The following TUBGCP2 variants were observed in gnomAD, a reference collection of about 807,000 sequenced individuals.
TUBGCP2 encodes the protein tubulin gamma complex component 2.
A neutral mutation model predicts 92.2 loss-of-function variants in TUBGCP2; 55 were observed. The observed-to-expected ratio is 0.60, with a 90% CI of 0.48 to 0.75. The LOEUF (loss-of-function observed/expected upper bound fraction) is 0.75. TUBGCP2 is among the 30% of genes least tolerant of loss of function. The pLI, the probability that TUBGCP2 is intolerant of heterozygous loss-of-function variation, is 0.00. For missense variants in TUBGCP2, 1,093 were observed against 1,188.9 expected, an observed-to-expected ratio of 0.92 and a Z score of 1.19; for synonymous variants, 533 against 505.2, an observed-to-expected ratio of 1.06 and a Z score of -0.74.
chr10:133,308,650 C>T (rs935421173), intron 1 of TUBGCP2, 173 bp downstream of exon 1: 18 of 215,944 alleles, frequency 8.3e-5, no homozygotes, highest in Non-Finnish European at 1.6e-4. Flanking sequence ...GCTGGCCTGG[C>T]CGGTGCAGGC....
upstream of TUBGCP2, chr10:133,311,840 A>G (rs1847996475): frequency 6.2e-7 from 1 of 1,613,382 alleles, no homozygotes; most frequent in Non-Finnish European, 8.5e-7. Context: ...CTACAGACAT[A>G]GGTCAGTGTC....
In TUBGCP2 at chr10:133,291,959, G is replaced by A. The variant is rs1403925250; in HGVS notation, c.1214+540C>T. On this transcript the variant is annotated intron_variant, in intron 8 of 17. Transcript: ENST00000252936. The stretch of plus-strand genomic sequence containing the variant: ...TCCCTCCGTGTCCCTCCGTGTCCCC[G>A]TGTCCCGGGGAGCCCTACCTGTACG... Among the ~76,000 whole-genome samples the A allele has an allele frequency of 1.3e-4, 3 of 23,518 alleles. 1 individual carries two copies. Among genetic ancestry groups the A allele is most frequent in the African/African-American group, 4.3e-4 (3 of 6,920 alleles). 15.4% of individuals were successfully genotyped at this position (23,518 alleles called of 152,430 possible).
At chr10:133,309,209 A>G, upstream of TUBGCP2, 1 of 1,343,440 alleles carries the variant, frequency 7.4e-7, no homozygotes, top group Non-Finnish European at 9.8e-7. Context: ...GCGGGGCCGG[A>G]GCCTGGGACA....
At chr10:133,284,719 G>C (rs1847086180) in intron 13 of TUBGCP2, among the ~76,000 whole-genome samples, 1 of 152,056 alleles carries the variant, frequency 6.6e-6, no homozygotes, top group Non-Finnish European at 1.5e-5. Context: ...TAGAGGCACA[G>C]ACCGGCTGCA....
upstream of TUBGCP2, chr10:133,311,776 A>T (rs779087283): frequency 6.2e-7 from 1 of 1,613,732 alleles, no homozygotes; most frequent in Non-Finnish European, 8.5e-7. Context: ...AGGCCATGGA[A>T]ATCTGCTCTG....
chr10:133,309,598 C>A, upstream of TUBGCP2: 2 of 1,263,582 alleles, frequency 1.6e-6, no homozygotes, highest in Non-Finnish European at 2.2e-6. Flanking sequence ...CCAGCTTTGG[C>A]GTGGCCGACT....
chr10:133,283,851 A>C (rs372388704), intron 14 of TUBGCP2, 31 bp downstream of exon 14: 8 of 1,610,546 alleles, frequency 5.0e-6, no homozygotes, highest in African/African-American at 1.3e-5. Flanking sequence ...AGTGGCTTTC[A>C]AACGTTATTA....
At chr10:133,295,938 G>A (rs947234670) in intron 5 of TUBGCP2, 1 of 152,450 alleles carries the variant, frequency 6.6e-6, no homozygotes, top group African/African-American at 2.4e-5. Flanking sequence ...AGGGGACAGG[G>A]ACAGTGCGGA....
At chr10:133,289,195 C>T (rs909328916) in intron 9 of TUBGCP2, among the ~76,000 whole-genome samples, 175 bp from the exon 10 acceptor site, 6 of 152,248 alleles carry the variant, frequency 3.9e-5, no homozygotes, top group African/African-American at 1.4e-4. Context: ...AACTGGGCTG[C>T]ATGAGGCGGC....
intron 1 of TUBGCP2, among the ~76,000 whole-genome samples, chr10:133,305,923 A>T (rs1282943854): frequency 6.6e-6 from 1 of 152,200 alleles, no homozygotes; most frequent in Non-Finnish European, 1.5e-5. Context: ...AGGCTGTGGG[A>T]CCCTGAACAA....
rs773718675 is a variant in TUBGCP2 at position 133,288,284 on chromosome 10, C to A, written c.1567G>T (p.Asp523Tyr). 1 of 1,613,536 alleles carries A rather than the reference C, an allele frequency of 6.2e-7. No individual in the cohort carries two copies. Among genetic ancestry groups the A allele is most frequent in the South Asian group, 1.1e-5 (1 of 91,084 alleles). ...LRSIKRYFLMDQGDFFVHFMD... is the reference protein window; with the variant it reads ...LRSIKRYFLMYQGDFFVHFMD... Reference sequence around the variant, plus strand: ...AAGTGCACGAAGAAGTCGCCCTGGTCCATGAGGAAGTAGCGCTTGATGGAC... The same window carrying A: ...AAGTGCACGAAGAAGTCGCCCTGGTACATGAGGAAGTAGCGCTTGATGGAC... Residue 523 changes from aspartate to tyrosine, a missense_variant, in exon 11 of 18, where the codon GAC becomes TAC. Physicochemically the swap from Asp to Tyr is radical, Grantham distance 160. Transcript: ENST00000252936.
chr10:133,309,664 T>C (rs868508158), upstream of TUBGCP2: 25 of 1,362,186 alleles, frequency 1.8e-5, no homozygotes, highest in Middle Eastern at 2.4e-4. Context: ...GGTTTGGGAT[T>C]GCAAAAGATG....
chr10:133,287,741 CAA>C (rs755545622), intron 11 of TUBGCP2, among the ~76,000 whole-genome samples: 1 of 127,728 alleles, frequency 7.8e-6, no homozygotes. Flanking sequence ...AACTCCGTCT[CAA>C]AAAAAAAAAC....
At chr10:133,289,101 G>A in intron 9 of TUBGCP2, 81 bp from the exon 10 acceptor site, 1 of 1,495,036 alleles carries the variant, frequency 6.7e-7, no homozygotes, top group Non-Finnish European at 9.0e-7. Context: ...ACAGGAGGCA[G>A]TGGAATGGAC....
At position 133,288,162 on chromosome 10, in the gene TUBGCP2, C is replaced by T. The variant is rs746838584; in HGVS notation, c.1689G>A (p.Thr563=). The stretch of plus-strand genomic sequence containing the variant: ...CGTCCTTGAAGGGGTCAGTGTTGGC[C>T]GTGCTCATGCGCAGCGCCAGCTCCA... ...ALLELALRMS[T]ANTDPFKDDL... The change falls in exon 11 of 18, where the codon ACG becomes ACA. Residue 563 remains threonine (T), a synonymous_variant. Transcript: ENST00000252936. 34 of 1,613,682 alleles carry T rather than the reference C, an allele frequency of 2.1e-5. No individual in the cohort carries two copies. Among genetic ancestry groups the T allele is most frequent in the African/African-American group, 6.7e-5 (5 of 74,950 alleles).
In TUBGCP2 at chr10:133,300,000, G is replaced by T. The variant is rs765651040; in HGVS notation, c.264C>A (p.Leu88=). 2 of 1,614,098 alleles carry T rather than the reference G, an allele frequency of 1.2e-6. No individual in the cohort carries two copies. The highest frequency in any genetic ancestry group is 1.7e-6 in the Non-Finnish European group (2 of 1,180,000). ...LDPLVYLLSK[L]TEDKETLQYL... ...GGGCACCTACCTCTTTGTCTTCCGTGAGCTTTGACAACAGGTACACCAGCG... is the reference window on the plus strand; with the variant it reads ...GGGCACCTACCTCTTTGTCTTCCGTTAGCTTTGACAACAGGTACACCAGCG... Residue 88 remains leucine, a synonymous_variant, in exon 3 of 18, where the codon CTC becomes CTA. Coordinates refer to ENST00000252936, the MANE Select transcript of TUBGCP2 (RefSeq NM_006659.4).
At position 133,303,019 on chromosome 10, in the gene TUBGCP2, G is replaced by A. The variant is rs888677146; in HGVS notation, c.-39-39C>T. On this transcript the variant is annotated intron_variant, in intron 1 of 17. Transcript: ENST00000252936. ...GACAGCTATTCATAAAATTCAAACT[G>A]TAGAAATAAAAAACATTTTTTTAAA... is the stretch of plus-strand genomic sequence containing the variant. The A allele has an allele frequency of 1.1e-5, 17 of 1,577,002 alleles. No individual in the cohort carries two copies. The African/African-American group carries it at 2.0e-4, about 19-fold the overall frequency.
chr10:133,285,451 C>T lies in TUBGCP2; in HGVS notation c.1895+5G>A, dbSNP rs767734531. ...CTGGCAGGTGCCCGAGCAGCCGACC[C>T]GCACCTGTTGATGATGAGCGAAAGG... On this transcript the variant is annotated splice_donor_5th_base_variant and intron_variant, in intron 12 of 17. Transcript: ENST00000252936. The surrounding 1 kb of genome is among the most constrained non-coding windows in gnomAD (Gnocchi z 6.8). 7 of 1,613,358 alleles carry T rather than the reference C, an allele frequency of 4.3e-6. No individual in the cohort carries two copies. The highest frequency in any genetic ancestry group is 2.2e-5 in the East Asian group (1 of 44,858).
In TUBGCP2 at chr10:133,280,063, C is replaced by T. The variant is rs1243974966; in HGVS notation, c.2574-162G>A. ...GGACAGTGGAGCTGGGGCACACACT[C>T]CTTCTGCGGGTCCGTCCTGAGCAGC... On this transcript the variant is annotated intron_variant, in intron 17 of 17. Transcript: ENST00000252936. Among the ~76,000 whole-genome samples, 4 of 152,188 alleles carry T rather than the reference C, an allele frequency of 2.6e-5. No individual in the cohort carries two copies. In the East Asian group the frequency reaches 5.8e-4, roughly 22 times the overall value.
Sources: gnomAD v4.1 joint callset for allele counts (sites outside exome capture counted in the v4.1 genomes callset) on GRCh38, gnomAD v4.1.1 for gene constraint, Gnocchi (gnomAD v3.1) non-coding constraint, MANE v1.5 for transcripts, NCBI Gene and HGNC (gene_info 2026-07-23, HGNC 2026-07-21) for gene names.